NR3C2: variants seen among roughly 807,000 people sequenced by gnomAD.
The protein encoded by NR3C2 is nuclear receptor subfamily 3 group C member 2.
NR3C2 carries 15 observed loss-of-function variants against 86.4 expected under a neutral mutation model. That is an observed-to-expected ratio of 0.17 (90% CI 0.12 to 0.27). The LOEUF is 0.27. Among genes scored for constraint, NR3C2 ranks in the 10% least tolerant of loss-of-function variants. The pLI is 1.00. For missense variants in NR3C2, 960 were observed against 1,195.6 expected (o/e 0.80, Z 2.91); for synonymous variants, 458 against 450.5 (o/e 1.02, Z -0.21).
At chr4:148,344,929 G>A (rs1168459969) in intron 2 of NR3C2, among the ~76,000 whole-genome samples, 3 of 152,080 alleles carry the variant, frequency 2.0e-5, no homozygotes, top group Non-Finnish European at 4.4e-5. Context: ...TGACTAGCAG[G>A]GGATTAAAGA....
At chr4:148,208,865 T>C (rs1314770657) in intron 3 of NR3C2, 1 of 152,176 alleles carries the variant, frequency 6.6e-6, no homozygotes, top group South Asian at 2.1e-4. Context: ...AATAATACAA[T>C]AGAGAAAAAT....
At chr4:148,102,971 AT>A (rs569717802) in intron 8 of NR3C2, among the ~76,000 whole-genome samples, 186 of 152,252 alleles carry the variant, frequency 1.2e-3, no homozygotes, top group Non-Finnish European at 1.2e-3. Context: ...TGGCTTACGG[AT>A]TCCATCACTG....
In NR3C2 at chr4:148,081,214, T is replaced by C; in HGVS notation, c.*130A>G. On this transcript the variant is annotated 3_prime_UTR_variant, in exon 9 of 9. Transcript: ENST00000358102. ...CCCGGCTCCAAACCTCTGACATGAC[T>C]TTAAACTTGAGAAACTGTTGAACAA... 1 of 1,339,398 alleles carries C rather than the reference T, an allele frequency of 7.5e-7. No individual in the cohort carries two copies. The highest frequency in any genetic ancestry group is 1.1e-6 in the Non-Finnish European group (1 of 950,550). 83.0% of individuals were successfully genotyped at this position (1,339,398 alleles called of 1,614,324 possible).
intron 3 of NR3C2, among the ~76,000 whole-genome samples, chr4:148,215,451 AGGATAAACAGTATGGAGAGCTGT>A (rs1417680987): frequency 6.6e-6 from 1 of 152,240 alleles, no homozygotes; most frequent in East Asian, 1.9e-4. Flanking sequence ...GCAAATGCTG[AGGATAAACAGTATGGAGAGCTGT>A]GGATAAACAG....
At chr4:148,096,718 T>A (rs1182540168) in intron 8 of NR3C2, among the ~76,000 whole-genome samples, 1 of 152,238 alleles carries the variant, frequency 6.6e-6, no homozygotes. Context: ...GAATAATATT[T>A]TGTGACATGT....
At chr4:148,105,598 C>A (rs866784195) in intron 8 of NR3C2, among the ~76,000 whole-genome samples, 33 of 152,206 alleles carry the variant, frequency 2.2e-4, no homozygotes, top group South Asian at 1.2e-3. Flanking sequence ...AGGCAAATAT[C>A]CCTGAGGAAC....
At chr4:148,150,294 G>C (rs1035218325) in intron 6 of NR3C2, among the ~76,000 whole-genome samples, 1 of 152,144 alleles carries the variant, frequency 6.6e-6, no homozygotes, top group African/African-American at 2.4e-5. Context: ...TTCATCAACT[G>C]ATCTATACCT....
chr4:148,246,014 A>T (rs973723654), intron 3 of NR3C2, among the ~76,000 whole-genome samples: 1 of 152,204 alleles, frequency 6.6e-6, no homozygotes, highest in African/African-American at 2.4e-5. Flanking sequence ...TAGCCATCCA[A>T]TAAGAATGAG....
chr4:148,229,818 G>A (rs1340209585), intron 3 of NR3C2, among the ~76,000 whole-genome samples: 1 of 152,162 alleles, frequency 6.6e-6, no homozygotes, highest in Non-Finnish European at 1.5e-5. Context: ...CATTGTAGTG[G>A]ACATTATTGT....
intron 7 of NR3C2, among the ~76,000 whole-genome samples, chr4:148,116,633 GCTTA>G (rs1399349919): frequency 6.6e-6 from 1 of 152,090 alleles, no homozygotes; most frequent in African/African-American, 2.4e-5. Flanking sequence ...AGCAAAACAA[GCTTA>G]CTAACGCCTG....
intron 4 of NR3C2, among the ~76,000 whole-genome samples, chr4:148,164,894 C>G (rs1734813035): frequency 6.6e-6 from 1 of 152,182 alleles, no homozygotes; most frequent in Non-Finnish European, 1.5e-5. Flanking sequence ...ATGATCTTCA[C>G]TAGGCTTGGG....
rs186480752 is a variant in NR3C2 at position 148,426,216 on chromosome 4, C to T, written c.1757+8888G>A. Among the ~76,000 whole-genome samples the T allele has an allele frequency of 2.2e-3, 341 of 152,296 alleles. 2 individuals are homozygous for T. Among genetic ancestry groups the T allele is most frequent in the African/African-American group, 7.9e-3 (329 of 41,552 alleles). Reference sequence around the variant, plus strand: ...GCCTCCACCCCATGCCCCAGGTTCTCCTCTTCAATGTTCATTTACTCCTTA... The same window carrying T: ...GCCTCCACCCCATGCCCCAGGTTCTTCTCTTCAATGTTCATTTACTCCTTA... On this transcript the variant is annotated intron_variant, in intron 2 of 8. Transcript: ENST00000358102.
intron 6 of NR3C2, among the ~76,000 whole-genome samples, chr4:148,136,765 GC>G (rs1182618684): frequency 6.6e-6 from 1 of 152,078 alleles, no homozygotes; most frequent in African/African-American, 2.4e-5. Context: ...TCCTGCCTCA[GC>G]CTCCTGAGTA....
intron 8 of NR3C2, among the ~76,000 whole-genome samples, chr4:148,096,837 G>T (rs1560919338): frequency 6.6e-6 from 1 of 152,198 alleles, no homozygotes; most frequent in Admixed American, 6.5e-5. Context: ...CTGTAACCAA[G>T]ATTGTGTGGC....
At chr4:148,266,044 A>G (rs993632324) in intron 2 of NR3C2, among the ~76,000 whole-genome samples, 7 of 151,208 alleles carry the variant, frequency 4.6e-5, no homozygotes, top group African/African-American at 1.7e-4. Flanking sequence ...GGGAGACAGG[A>G]TCCATTAAAT....
At chr4:148,117,908 G>A (rs1217115721) in intron 7 of NR3C2, among the ~76,000 whole-genome samples, 2 of 152,210 alleles carry the variant, frequency 1.3e-5, no homozygotes, top group Admixed American at 6.5e-5. Flanking sequence ...ACTCCAGGTT[G>A]TCACTAGGCA....
At chr4:148,422,921 A>G (rs1749351173) in intron 2 of NR3C2, among the ~76,000 whole-genome samples, 1 of 152,110 alleles carries the variant, frequency 6.6e-6, no homozygotes, top group Admixed American at 6.6e-5. Context: ...CCTTGTTCCT[A>G]TAAACTCCTG....
At chr4:148,381,892 C>A (rs1747011218) in intron 2 of NR3C2, among the ~76,000 whole-genome samples, 1 of 152,198 alleles carries the variant, frequency 6.6e-6, no homozygotes. Flanking sequence ...TGCATCTGTT[C>A]ATGCAAGTCT....
At chr4:148,246,699 T>A (rs970652504) in intron 3 of NR3C2, among the ~76,000 whole-genome samples, 2 of 152,050 alleles carry the variant, frequency 1.3e-5, no homozygotes, top group Non-Finnish European at 2.9e-5. Context: ...TTACAGGTGC[T>A]CACCACCACG....
Sources: gnomAD v4.1 joint callset for allele counts (sites outside exome capture counted in the v4.1 genomes callset) on GRCh38, gnomAD v4.1.1 for gene constraint, MANE v1.5 for transcripts, NCBI Gene and HGNC (gene_info 2026-07-23, HGNC 2026-07-21) for gene names.